RBFOX2: variants seen among roughly 807,000 people sequenced by gnomAD.
The protein encoded by RBFOX2 is RNA binding fox-1 homolog 2.
In RBFOX2, 10 loss-of-function variants were observed where a neutral mutation model predicts 49.1. The ratio of observed to expected loss-of-function variants is 0.20; its 90% CI spans 0.13 to 0.35. The LOEUF (loss-of-function observed/expected upper bound fraction) is 0.35, where lower values mean the gene tolerates loss of function less well. RBFOX2 is among the 10% of genes least tolerant of loss of function. The pLI is 1.00. For missense variants in RBFOX2, 323 were observed against 486.9 expected (o/e 0.66, Z 3.17); for synonymous variants, 183 against 187.4 (o/e 0.98, Z 0.19).
chr22:35,871,837 T>C (rs1020563878), intron 1 of RBFOX2, among the ~76,000 whole-genome samples: 2 of 152,194 alleles, frequency 1.3e-5, no homozygotes, highest in Admixed American at 6.5e-5. Context: ...GTTTAACCCC[T>C]GGTACATGGG....
chr22:36,023,920 C>A (rs2059334847), intron 1 of RBFOX2, among the ~76,000 whole-genome samples: 2 of 152,170 alleles, frequency 1.3e-5, no homozygotes, highest in East Asian at 1.9e-4. Flanking sequence ...GACTCTCTGG[C>A]GTTTCCTAAA....
intron 2 of RBFOX2, among the ~76,000 whole-genome samples, chr22:35,798,928 T>A (rs185012169): frequency 6.6e-6 from 1 of 152,222 alleles, no homozygotes; most frequent in African/African-American, 2.4e-5. Context: ...CGGAAGAATG[T>A]TGGAGAAATG....
At chr22:35,919,326 T>A (rs1019690856) in intron 1 of RBFOX2, among the ~76,000 whole-genome samples, 35 of 152,132 alleles carry the variant, frequency 2.3e-4, no homozygotes, top group African/African-American at 8.2e-4. Context: ...TCACTTGAGG[T>A]CAGGAGTTCA....
At chr22:36,002,221 G>A (rs1403156680) in intron 1 of RBFOX2, among the ~76,000 whole-genome samples, 3 of 152,136 alleles carry the variant, frequency 2.0e-5, no homozygotes, top group African/African-American at 7.2e-5. Flanking sequence ...AAGTTAAAAT[G>A]TGCAGACCCT....
intron 1 of RBFOX2, among the ~76,000 whole-genome samples, chr22:35,904,058 C>G (rs1429945557): frequency 1.3e-5 from 2 of 152,188 alleles, no homozygotes; most frequent in Non-Finnish European, 2.9e-5. Context: ...TCTAAAGACA[C>G]TGATTTTGTG....
At chr22:35,845,549 G>C (rs141220278), upstream of RBFOX2, among the ~76,000 whole-genome samples, 1,841 of 152,208 alleles carry the variant, frequency 0.012, 19 homozygotes, top group Non-Finnish European at 0.02. Flanking sequence ...AGTGAGGCCA[G>C]GCAAATCAAA....
rs142946940 is a variant in RBFOX2, at chr22:35,828,410, T to C, written c.27+11782A>G. ...TGGTGGGTTCCATGAATTGAGAAGA[T>C]AGACCTAGAAGTCTGGAGAAGCCAA... On this transcript the variant is annotated intron_variant, in intron 1 of 11. Coordinates refer to ENST00000405409, the Ensembl canonical transcript of RBFOX2. Among the ~76,000 whole-genome samples, 132 of 152,238 alleles carry C rather than the reference T, an allele frequency of 8.7e-4. No homozygotes were observed. The Middle Eastern group carries it at 0.014, about 16-fold the overall frequency.
At chr22:35,943,527 A>T (rs2053926404), upstream of RBFOX2, among the ~76,000 whole-genome samples, 1 of 152,236 alleles carries the variant, frequency 6.6e-6, no homozygotes, top group Non-Finnish European at 1.5e-5. Flanking sequence ...GAGGTCAGCA[A>T]TTAAAACCGT....
intron 1 of RBFOX2, among the ~76,000 whole-genome samples, chr22:35,892,288 C>T (rs1013798002): frequency 1.3e-5 from 2 of 151,910 alleles, no homozygotes; most frequent in Non-Finnish European, 2.9e-5. Context: ...GGATTTAGAC[C>T]TAGTGAGGTT....
At chr22:35,898,944 C>A (rs759613768) in intron 1 of RBFOX2, among the ~76,000 whole-genome samples, 65 of 152,018 alleles carry the variant, frequency 4.3e-4, no homozygotes, top group Non-Finnish European at 4.1e-4. Flanking sequence ...CATGAGAAAC[C>A]TTGTCTCTAC....
chr22:35,745,833 G>A, intron 11 of RBFOX2, 90 bp downstream of exon 13: 1 of 1,342,152 alleles, frequency 7.5e-7, no homozygotes. Flanking sequence ...ATGAAAGGCT[G>A]AATTTACTAC....
intron 1 of RBFOX2, among the ~76,000 whole-genome samples, chr22:35,980,830 T>C (rs1478950682): frequency 6.6e-6 from 1 of 152,148 alleles, no homozygotes; most frequent in African/African-American, 2.4e-5. Flanking sequence ...CAGACTGGAA[T>C]GGGATCGGGC....
chr22:35,990,578 C>T (rs2057933921), intron 1 of RBFOX2, among the ~76,000 whole-genome samples: 1 of 151,876 alleles, frequency 6.6e-6, no homozygotes, highest in South Asian at 2.1e-4. Context: ...TTGACTAACC[C>T]CAAAATGTGG....
intron 2 of RBFOX2, among the ~76,000 whole-genome samples, chr22:35,794,572 G>A (rs947053110): frequency 1.3e-5 from 2 of 151,886 alleles, no homozygotes; most frequent in Non-Finnish European, 2.9e-5. Context: ...GCAAGAGAAT[G>A]GCGTGAACCC....
At chr22:36,000,873 C>T (rs947074292) in intron 1 of RBFOX2, among the ~76,000 whole-genome samples, 1 of 152,136 alleles carries the variant, frequency 6.6e-6, no homozygotes, top group African/African-American at 2.4e-5. Flanking sequence ...TTAAATCCTA[C>T]TCAAAAGCAA....
chr22:35,787,006 C>A (rs915707668), intron 2 of RBFOX2, among the ~76,000 whole-genome samples: 2 of 152,060 alleles, frequency 1.3e-5, no homozygotes, highest in Non-Finnish European at 2.9e-5. Context: ...GTAAGAGACA[C>A]GGAAGGCTAC....
chr22:35,745,119 T>A (rs936448794), intron 11 of RBFOX2, among the ~76,000 whole-genome samples: 109 of 152,252 alleles, frequency 7.2e-4, no homozygotes, highest in African/African-American at 2.5e-3. Context: ...TTTCTCATAT[T>A]CCTTTAGGTC....
chr22:35,750,231 AGAGT>A (rs1255806642), intron 9 of RBFOX2, among the ~76,000 whole-genome samples: 1 of 152,208 alleles, frequency 6.6e-6, no homozygotes. Flanking sequence ...TGAGAGATTT[AGAGT>A]GAGATGTTAA....
At chr22:35,773,465 T>G (rs1943180830) in intron 4 of RBFOX2, among the ~76,000 whole-genome samples, 1 of 152,056 alleles carries the variant, frequency 6.6e-6, no homozygotes, top group Admixed American at 6.6e-5. Flanking sequence ...GATAAATATT[T>G]AAGGTGATGG....
Sources: allele counts gnomAD v4.1 joint callset (sites outside exome capture counted in the v4.1 genomes callset), GRCh38; gene constraint gnomAD v4.1.1; transcripts MANE v1.5; gene names NCBI Gene and HGNC (gene_info 2026-07-23, HGNC 2026-07-21).